The following SRGAP3 variants were observed in gnomAD, a reference collection of about 807,000 sequenced individuals.
The protein encoded by SRGAP3 is SLIT-ROBO Rho GTPase activating protein 3, also known as SLIT-ROBO Rho GTPase-activating protein 3.
Under a neutral mutation model 121.1 loss-of-function variants are expected in SRGAP3, and 39 were observed. The ratio of observed to expected loss-of-function variants is 0.32; its 90% CI spans 0.25 to 0.42. The LOEUF (loss-of-function observed/expected upper bound fraction) is 0.42. Among genes scored for constraint, SRGAP3 ranks in the 10% least tolerant of loss-of-function variants. The pLI is 1.00. For missense variants in SRGAP3, 1,213 were observed against 1,470.6 expected, an observed-to-expected ratio of 0.82 and a Z score of 2.86; for synonymous variants, 601 against 570.0, an observed-to-expected ratio of 1.05 and a Z score of -0.77.
At chr3:9,205,108 A>G (rs941963501) in intron 1 of SRGAP3, among the ~76,000 whole-genome samples, 3 of 152,236 alleles carry the variant, frequency 2.0e-5, no homozygotes, top group Non-Finnish European at 4.4e-5. Flanking sequence ...GTTGCTGATT[A>G]TGATTCGAAA....
intron 1 of SRGAP3, among the ~76,000 whole-genome samples, chr3:9,152,605 G>A (rs376585643): frequency 1.3e-5 from 2 of 152,210 alleles, no homozygotes; most frequent in Non-Finnish European, 2.9e-5. Flanking sequence ...ACCTGGCATA[G>A]CCCCTGAGAG....
intron 1 of SRGAP3, among the ~76,000 whole-genome samples, chr3:9,207,943 T>C (rs1203679371): frequency 2.0e-5 from 3 of 152,228 alleles, no homozygotes; most frequent in South Asian, 4.1e-4. Context: ...AGGCCAGGCC[T>C]GTCTCACTGC....
rs548667422 is a variant in SRGAP3 at position 9,305,744 on chromosome 3, C to T, written n.442+20266G>A. Among the ~76,000 whole-genome samples, 207 of 152,170 alleles carry T rather than the reference C, an allele frequency of 1.4e-3. 1 individual carries two copies. Among genetic ancestry groups the T allele is most frequent in the Admixed American group, 2.7e-3 (41 of 15,290 alleles). On this transcript the variant is annotated intron_variant and non_coding_transcript_variant, in intron 3 of 3. Transcript: ENST00000490889. ...TCCCTGCAAAGGACATGAACTCATC[C>T]GTTTTTAGGGCTGCATAGTATTCCA... is the stretch of plus-strand genomic sequence containing the variant.
chr3:9,345,192 T>G (rs774508394), intron 1 of SRGAP3, among the ~76,000 whole-genome samples: 145 of 152,096 alleles, frequency 9.5e-4, no homozygotes, highest in Non-Finnish European at 4.1e-4. Flanking sequence ...TGTTGCAGGT[T>G]CAAGAACAGA....
chr3:9,244,275 A>T (rs1953748183), intron 1 of SRGAP3, among the ~76,000 whole-genome samples: 1 of 152,146 alleles, frequency 6.6e-6, no homozygotes, highest in Admixed American at 6.5e-5. Flanking sequence ...TGTGTCTCTC[A>T]CAACACTCAG....
chr3:9,348,713 T>C (rs1323535975), intron 1 of SRGAP3: 2 of 1,228,866 alleles, frequency 1.6e-6, no homozygotes, highest in Non-Finnish European at 2.4e-6. Context: ...TGAGCAGCAC[T>C]CTGGGGGTCT....
At chr3:9,051,679 G>A (rs564177062) in intron 9 of SRGAP3, among the ~76,000 whole-genome samples, 107 of 151,154 alleles carry the variant, frequency 7.1e-4, no homozygotes, top group African/African-American at 2.1e-3. Flanking sequence ...CATAGTACCC[G>A]GTATAGAAGG....
chr3:9,333,156 C>T (rs559565553), intron 1 of SRGAP3, among the ~76,000 whole-genome samples: 22 of 152,186 alleles, frequency 1.4e-4, no homozygotes, highest in African/African-American at 4.1e-4. Flanking sequence ...TGTTATTACT[C>T]TCGGAAAGGA....
chr3:9,157,377 C>T (rs1427088134), intron 1 of SRGAP3, among the ~76,000 whole-genome samples: 2 of 152,150 alleles, frequency 1.3e-5, no homozygotes, highest in Non-Finnish European at 2.9e-5. Flanking sequence ...CCCACCAGGT[C>T]CCCCTCCAAC....
chr3:9,081,536 G>T (rs1947245633), intron 3 of SRGAP3, among the ~76,000 whole-genome samples: 4 of 152,206 alleles, frequency 2.6e-5, no homozygotes, highest in African/African-American at 4.8e-5. Context: ...GGGAGCAGGG[G>T]CTTCTAAGAC....
At chr3:9,038,958 T>C (rs1944898116) in intron 10 of SRGAP3, among the ~76,000 whole-genome samples, 2 of 152,138 alleles carry the variant, frequency 1.3e-5, no homozygotes, top group African/African-American at 4.8e-5. Context: ...TCTGCTCTTC[T>C]TTACAGCACA....
chr3:9,344,103 T>C (rs939001626), intron 1 of SRGAP3, among the ~76,000 whole-genome samples: 1 of 152,148 alleles, frequency 6.6e-6, no homozygotes, highest in Non-Finnish European at 1.5e-5. Context: ...GCAGATCACC[T>C]GAGGTCAGGA....
intron 1 of SRGAP3, among the ~76,000 whole-genome samples, chr3:9,172,124 C>T (rs1158474995): frequency 2.1e-5 from 3 of 143,072 alleles, no homozygotes; most frequent in Non-Finnish European, 1.5e-5. Context: ...GACAGGGTCT[C>T]GCTCTGTTGC....
intron 1 of SRGAP3, chr3:9,348,427 TC>T: frequency 1.6e-6 from 1 of 621,006 alleles, no homozygotes. Context: ...CAGCGTCGCA[TC>T]CCCAGCCCGC....
intron 3 of SRGAP3, among the ~76,000 whole-genome samples, chr3:9,259,653 C>A (rs1954211847): frequency 6.6e-6 from 1 of 152,138 alleles, no homozygotes. Context: ...ACTCTCCACA[C>A]CCCACCTCCA....
At chr3:9,230,763 C>T (rs1007525994) in intron 1 of SRGAP3, among the ~76,000 whole-genome samples, 9 of 151,230 alleles carry the variant, frequency 6.0e-5, no homozygotes, top group East Asian at 1.9e-4. Flanking sequence ...GTCCCAGCTA[C>T]GCAGGAGTCT....
rs1948361754 is a variant in SRGAP3, at chr3:9,104,886, C to T, written c.261-44G>A. On this transcript the variant is annotated intron_variant, in intron 2 of 21. Transcript: ENST00000383836. ...CTCAGGTTGGCTACATTGGAACTGT[C>T]ATCCAACAGTGGTTTATGCTGTCAC... 6.2e-6 allele frequency: 10 copies of T among 1,612,394 alleles called. No individual in the cohort carries two copies. In the East Asian group the frequency reaches 2.2e-4, roughly 36 times the overall value.
chr3:9,248,770 T>C, intron 1 of SRGAP3, 115 bp downstream of exon 1: 1 of 1,059,186 alleles, frequency 9.4e-7, no homozygotes, highest in Non-Finnish European at 1.5e-6. Flanking sequence ...AGATTATTGA[T>C]GCATAACATT....
intron 1 of SRGAP3, among the ~76,000 whole-genome samples, chr3:9,246,912 C>T (rs1409004033): frequency 3.9e-5 from 6 of 152,128 alleles, no homozygotes; most frequent in Admixed American, 2.0e-4. Flanking sequence ...TCTGATAAAA[C>T]TCAGGGTACT....
Sources: gnomAD v4.1 joint callset for allele counts (sites outside exome capture counted in the v4.1 genomes callset) on GRCh38, gnomAD v4.1.1 for gene constraint, MANE v1.5 for transcripts, NCBI Gene and HGNC (gene_info 2026-07-23, HGNC 2026-07-21) for gene names.